The following SLC8A1 variants were observed in gnomAD, a reference collection of about 807,000 sequenced individuals.
SLC8A1 encodes solute carrier family 8 member A1.
Under a neutral mutation model 68.3 loss-of-function variants are expected in SLC8A1, and 18 were observed. That is an observed-to-expected ratio of 0.26 (90% confidence interval 0.18 to 0.39). The LOEUF (loss-of-function observed/expected upper bound fraction) is 0.39, where lower values mean the gene tolerates loss of function less well. Among genes scored for constraint, SLC8A1 ranks in the 10% least tolerant of loss-of-function variants. The probability of loss-of-function intolerance (pLI) is 1.00; values close to 1 mark genes in which losing one functional copy is unlikely to be tolerated. For missense variants in SLC8A1, 985 were observed against 1,156.7 expected (o/e 0.85, Z 2.15); for synonymous variants, 475 against 415.5 (o/e 1.14, Z -1.74).
chr2:40,333,857 G>A (rs556029455), intron 2 of SLC8A1, among the ~76,000 whole-genome samples: 13 of 152,066 alleles, frequency 8.5e-5, no homozygotes, highest in South Asian at 4.2e-4. Flanking sequence ...GAGACCAGCC[G>A]GACCAACATG....
At chr2:40,399,319 C>T (rs1391825014) in intron 2 of SLC8A1, among the ~76,000 whole-genome samples, 12 of 151,374 alleles carry the variant, frequency 7.9e-5, no homozygotes, top group Non-Finnish European at 5.9e-5. Flanking sequence ...CCTCGTCTCC[C>T]CTACCCCTCG....
At chr2:40,151,797 C>G (rs1235381340) in intron 6 of SLC8A1, among the ~76,000 whole-genome samples, 1 of 152,140 alleles carries the variant, frequency 6.6e-6, no homozygotes, top group Non-Finnish European at 1.5e-5. Context: ...AGGAATTTAT[C>G]ATGTTTTCTT....
chr2:40,172,150 C>A (rs1292730231), intron 4 of SLC8A1, among the ~76,000 whole-genome samples: 2 of 152,186 alleles, frequency 1.3e-5, no homozygotes, highest in African/African-American at 2.4e-5. Flanking sequence ...AAAAAAAGTT[C>A]TTTAGGGCTT....
chr2:40,408,625 T>C (rs771313980), intron 2 of SLC8A1, among the ~76,000 whole-genome samples: 6 of 152,196 alleles, frequency 3.9e-5, no homozygotes, highest in Non-Finnish European at 7.3e-5. Flanking sequence ...ACTGTGGGAA[T>C]TGAAACTACA....
chr2:40,507,011 A>G (rs1258974346), intron 1 of SLC8A1, among the ~76,000 whole-genome samples: 1 of 152,026 alleles, frequency 6.6e-6, no homozygotes, highest in African/African-American at 2.4e-5. Flanking sequence ...AACTAAATGC[A>G]CAACTCACAA....
At chr2:40,252,985 GTATATATGTATATACA>G (rs1302511165) in intron 2 of SLC8A1, among the ~76,000 whole-genome samples, 1 of 138,842 alleles carries the variant, frequency 7.2e-6, no homozygotes, top group East Asian at 2.1e-4. Context: ...ATATGTATCT[GTATATATGTATATACA>G]TATATATGTA....
intron 2 of SLC8A1, among the ~76,000 whole-genome samples, chr2:40,243,163 A>G (rs1379185493): frequency 6.6e-6 from 1 of 152,156 alleles, no homozygotes; most frequent in Admixed American, 6.5e-5. Context: ...TAAATCTTTA[A>G]CTGAGTTAAT....
At chr2:40,460,929 A>G (rs916365328) in intron 1 of SLC8A1, among the ~76,000 whole-genome samples, 3 of 152,164 alleles carry the variant, frequency 2.0e-5, no homozygotes, top group Non-Finnish European at 4.4e-5. Context: ...ATGAAGGTAA[A>G]TCTTGACAGT....
At chr2:40,462,001 C>CTTTTTTTTGTT (rs1703368645) in intron 1 of SLC8A1, among the ~76,000 whole-genome samples, 1 of 66,176 alleles carries the variant, frequency 1.5e-5, no homozygotes, top group African/African-American at 6.1e-5. Context: ...TAAAATCCTC[C>CTTTTTTTTGTT]TTTTTTTTTT....
At chr2:40,438,042 C>G (rs916674549) in intron 1 of SLC8A1, among the ~76,000 whole-genome samples, 1 of 152,038 alleles carries the variant, frequency 6.6e-6, no homozygotes, top group Non-Finnish European at 1.5e-5. Flanking sequence ...GTTAACGTAC[C>G]TTGAGTCTTG....
At chr2:40,301,066 G>GA (rs1261824245) in intron 2 of SLC8A1, among the ~76,000 whole-genome samples, 1 of 152,130 alleles carries the variant, frequency 6.6e-6, no homozygotes, top group Non-Finnish European at 1.5e-5. Context: ...AGGAAGTTCA[G>GA]AGGGCTGAAG....
At chr2:40,252,861 TTTGATTCCAATA>T (rs2063034941) in intron 2 of SLC8A1, among the ~76,000 whole-genome samples, 1 of 114,208 alleles carries the variant, frequency 8.8e-6, no homozygotes, top group African/African-American at 3.9e-5. Flanking sequence ...TATATACACA[TTTGATTCCAATA>T]ATATATATTT....
chr2:40,126,291 AG>A (rs1289139490), intron 7 of SLC8A1, among the ~76,000 whole-genome samples: 5 of 152,176 alleles, frequency 3.3e-5, no homozygotes. Context: ...ATATAAATGT[AG>A]TTACTATGAA....
intron 2 of SLC8A1, among the ~76,000 whole-genome samples, chr2:40,381,626 G>C (rs1458526429): frequency 6.6e-6 from 1 of 151,852 alleles, no homozygotes; most frequent in African/African-American, 2.4e-5. Flanking sequence ...AATGGACCCA[G>C]CTGTCCTATA....
intron 1 of SLC8A1, among the ~76,000 whole-genome samples, chr2:40,463,854 AC>A (rs1559748986): frequency 7.8e-6 from 1 of 128,800 alleles, no homozygotes; most frequent in Non-Finnish European, 1.5e-5. Context: ...ACACACACAC[AC>A]ACACACACAC....
intron 2 of SLC8A1, among the ~76,000 whole-genome samples, chr2:40,259,482 T>C (rs1406187950): frequency 6.6e-6 from 1 of 152,170 alleles, no homozygotes; most frequent in African/African-American, 2.4e-5. Flanking sequence ...CACAATCTTT[T>C]TTCTTTTTTA....
rs564453514 is a variant in SLC8A1, at chr2:40,153,717, G to A, written c.2161+7048C>T. Reference sequence around the variant, plus strand: ...GCATTGATTCCATTTTGTTTCATAAGACCTGACACAATTTCTAGCTCCAGA... The same window carrying A: ...GCATTGATTCCATTTTGTTTCATAAAACCTGACACAATTTCTAGCTCCAGA... On this transcript the variant is annotated intron_variant, in intron 6 of 7. Transcript: ENST00000406785. Among the ~76,000 whole-genome samples the A allele has an allele frequency of 8.5e-5, 13 of 152,246 alleles. No individual in the cohort carries two copies. In the South Asian group the frequency reaches 2.7e-3, roughly 32 times the overall value.
At chr2:40,254,111 G>A (rs1411092400) in intron 2 of SLC8A1, among the ~76,000 whole-genome samples, 1 of 152,044 alleles carries the variant, frequency 6.6e-6, no homozygotes, top group African/African-American at 2.4e-5. Context: ...CACATTTTAT[G>A]CATGTATCAA....
chr2:40,123,390 G>A (rs2037356612), intron 7 of SLC8A1: 2 of 152,222 alleles, frequency 1.3e-5, no homozygotes. Flanking sequence ...CTATTTTCAT[G>A]AAAGACTCCT....
Sources: allele counts gnomAD v4.1 joint callset (sites outside exome capture counted in the v4.1 genomes callset), GRCh38; gene constraint gnomAD v4.1.1; transcripts MANE v1.5; gene names NCBI Gene and HGNC (gene_info 2026-07-23, HGNC 2026-07-21).